Variants in SEZ6L observed in about 807,000 individuals in gnomAD.
SEZ6L encodes seizure 6-like protein.
In SEZ6L, 37 loss-of-function variants were observed where a neutral mutation model predicts 106.2. That is an observed-to-expected ratio of 0.35 (90% CI 0.27 to 0.46). The LOEUF (loss-of-function observed/expected upper bound fraction) is 0.46, where lower values mean the gene tolerates loss of function less well. Among genes scored for constraint, SEZ6L ranks in the 20% least tolerant of loss-of-function variants. The pLI, the probability that SEZ6L is intolerant of heterozygous loss-of-function variation, is 1.00. For missense variants in SEZ6L, 1,172 were observed against 1,332.8 expected, an observed-to-expected ratio of 0.88 and a Z score of 1.88; for synonymous variants, 541 against 570.4, an observed-to-expected ratio of 0.95 and a Z score of 0.73.
At chr22:26,224,538 T>C (rs1457489759) in intron 1 of SEZ6L, among the ~76,000 whole-genome samples, 1 of 152,150 alleles carries the variant, frequency 6.6e-6, no homozygotes, top group Non-Finnish European at 1.5e-5. Context: ...CATAGGATTG[T>C]GTAAAACTCA....
At chr22:26,207,086 G>C (rs911145589) in intron 1 of SEZ6L, among the ~76,000 whole-genome samples, 1 of 152,202 alleles carries the variant, frequency 6.6e-6, no homozygotes, top group Admixed American at 6.5e-5. Context: ...GGCATATAGG[G>C]TCACTCTTGC....
intron 12 of SEZ6L, among the ~76,000 whole-genome samples, chr22:26,361,337 A>C: frequency 9.0e-6 from 1 of 110,706 alleles, no homozygotes. Flanking sequence ...GTCTCTACTA[A>C]AAATACAAAA....
At chr22:26,343,338 A>T (rs1430914469) in intron 10 of SEZ6L, among the ~76,000 whole-genome samples, 1 of 144,782 alleles carries the variant, frequency 6.9e-6, no homozygotes, top group African/African-American at 2.7e-5. Context: ...AAAAAAAAAA[A>T]AAAACTGACT....
At chr22:26,263,263 A>G (rs551696227) in intron 1 of SEZ6L, among the ~76,000 whole-genome samples, 2 of 152,374 alleles carry the variant, frequency 1.3e-5, no homozygotes, top group East Asian at 1.9e-4. Context: ...GGAGGCAAGT[A>G]TGTTTACTTC....
chr22:26,212,006 T>G (rs1937642196), intron 1 of SEZ6L, among the ~76,000 whole-genome samples: 1 of 152,012 alleles, frequency 6.6e-6, no homozygotes, highest in Admixed American at 6.6e-5. Context: ...ACCTGATGGC[T>G]GGGAAAGATT....
chr22:26,320,194 A>T, intron 9 of SEZ6L, among the ~76,000 whole-genome samples: 1 of 152,154 alleles, frequency 6.6e-6, no homozygotes, highest in South Asian at 2.1e-4. Context: ...CGGGAGGGGG[A>T]CTTCAAGGTC....
chr22:26,261,336 T>A (rs1294669908), intron 1 of SEZ6L, among the ~76,000 whole-genome samples: 2 of 152,200 alleles, frequency 1.3e-5, no homozygotes, highest in African/African-American at 4.8e-5. Flanking sequence ...GGTTATTCGA[T>A]GTATCTTCTA....
intron 1 of SEZ6L, among the ~76,000 whole-genome samples, chr22:26,200,264 A>C (rs1940845116): frequency 6.6e-6 from 1 of 151,958 alleles, no homozygotes; most frequent in South Asian, 2.1e-4. Flanking sequence ...ATGTGTTTGC[A>C]TGTATGTGTA....
At chr22:26,287,204 A>G (rs536804369) in intron 1 of SEZ6L, among the ~76,000 whole-genome samples, 51 of 152,314 alleles carry the variant, frequency 3.3e-4, no homozygotes, top group Non-Finnish European at 6.8e-4. Flanking sequence ...TCTACGTGGC[A>G]TGGCTCTGTC....
intron 9 of SEZ6L, among the ~76,000 whole-genome samples, chr22:26,334,010 G>A (rs1157132929): frequency 6.6e-6 from 1 of 152,038 alleles, no homozygotes; most frequent in African/African-American, 2.4e-5. Context: ...GAAATGAGGC[G>A]GCAGGGACGG....
At position 26,304,381 on chromosome 22, in the gene SEZ6L, A is replaced by AAAGAAAGAAAGAAAGAAAG. The variant is rs1569454379; in HGVS notation, c.1349-1595_1349-1577dup. On this transcript the variant is annotated intron_variant, in intron 5 of 16. Coordinates refer to ENST00000248933, the MANE Select transcript of SEZ6L (RefSeq NM_021115.5). ...AAAAAAAAAGAAAGAAGAAAGAAAG[A>AAAGAAAGAAAGAAAGAAAG]AAGAAAGAAAGAAAGAAAGAAAGAA... Among the ~76,000 whole-genome samples, 124 of 97,942 alleles carry AAAGAAAGAAAGAAAGAAAG rather than the reference A, an allele frequency of 1.3e-3. 1 individual carries two copies. The highest frequency in any genetic ancestry group is 4.2e-3 in the African/African-American group (98 of 23,460). 64.3% of individuals were successfully genotyped at this position (97,942 alleles called of 152,430 possible). A position where few individuals can be genotyped will look rare whatever the true frequency, so the allele number is the denominator to read the frequency against.
rs10635478 is a variant in SEZ6L at position 26,219,254 on chromosome 22, G to GTT, written c.94+49506_94+49507dup. ...CATAGAAGATGTTCGAGAAATACAA[G>GTT]TTTTTTTTTTTTTTTTCGCTCCTGG... On this transcript the variant is annotated intron_variant, in intron 1 of 16. Coordinates refer to ENST00000248933, the MANE Select transcript of SEZ6L (RefSeq NM_021115.5). Among the ~76,000 whole-genome samples, 241 of 135,100 alleles carry GTT rather than the reference G, an allele frequency of 1.8e-3. 6 individuals are homozygous for GTT. Among genetic ancestry groups the GTT allele is most frequent in the African/African-American group, 5.8e-3 (213 of 36,736 alleles). The allele number at this position is 135,100 out of a possible 152,430, so 88.6% of individuals were successfully genotyped here.
chr22:26,348,797 A>AGGGAG (rs1569473988), intron 11 of SEZ6L, among the ~76,000 whole-genome samples: 1 of 1,782 alleles, frequency 5.6e-4, no homozygotes, highest in Non-Finnish European at 9.0e-4. Flanking sequence ...AGGGGAGGGA[A>AGGGAG]GGGGAGGGAA....
intron 1 of SEZ6L, among the ~76,000 whole-genome samples, chr22:26,221,125 T>C (rs554517526): frequency 6.6e-6 from 1 of 152,152 alleles, no homozygotes; most frequent in African/African-American, 2.4e-5. Flanking sequence ...GTCGAACAAA[T>C]AAAGTATTAA....
chr22:26,356,913 G>C lies in SEZ6L; in HGVS notation c.2599+5670G>C, dbSNP rs150707391. 5.9e-5 allele frequency among the ~76,000 whole-genome samples: 9 copies of C among 151,782 alleles called. No homozygotes were observed. The East Asian group carries it at 1.4e-3, about 23-fold the overall frequency. ...TGAAACGGTGAACTATCTTGAGCTGGTAGTTCACAAGGGTCCAACACATCA... is the reference window on the plus strand; with the variant it reads ...TGAAACGGTGAACTATCTTGAGCTGCTAGTTCACAAGGGTCCAACACATCA... On this transcript the variant is annotated intron_variant, in intron 12 of 16. Coordinates refer to ENST00000248933, the MANE Select transcript of SEZ6L (RefSeq NM_021115.5).
intron 1 of SEZ6L, among the ~76,000 whole-genome samples, chr22:26,204,265 T>A (rs73879850): frequency 0.015 from 2,231 of 152,256 alleles, 55 homozygotes; most frequent in African/African-American, 0.051. Context: ...ATATGGGAAG[T>A]CAGTCATGAC....
At chr22:26,376,810 T>G (rs562371138) in intron 15 of SEZ6L, among the ~76,000 whole-genome samples, 44 of 152,188 alleles carry the variant, frequency 2.9e-4, no homozygotes, top group Non-Finnish European at 5.9e-4. Context: ...GGAAACAGCA[T>G]GTGCAAAGGT....
At chr22:26,312,067 C>A in intron 8 of SEZ6L, 105 bp downstream of exon 8, 1 of 1,140,508 alleles carries the variant, frequency 8.8e-7, no homozygotes, top group Non-Finnish European at 1.3e-6. Context: ...GTTTTCATAC[C>A]AACTTTAGGA....
chr22:26,223,539 A>G (rs1360107408), intron 1 of SEZ6L, among the ~76,000 whole-genome samples: 5 of 152,144 alleles, frequency 3.3e-5, no homozygotes, highest in Admixed American at 2.6e-4. Context: ...GGAGCTAAGA[A>G]TGTGGATTTA....
Sources: allele counts gnomAD v4.1 joint callset (sites outside exome capture counted in the v4.1 genomes callset), GRCh38; gene constraint gnomAD v4.1.1; transcripts MANE v1.5; gene names NCBI Gene and HGNC (gene_info 2026-07-23, HGNC 2026-07-21).